Variants in ABAT observed in about 807,000 individuals in gnomAD.
ABAT encodes 4-aminobutyrate aminotransferase.
Under a neutral mutation model 64.6 loss-of-function variants are expected in ABAT, and 45 were observed. The ratio of observed to expected loss-of-function variants is 0.70; its 90% CI spans 0.55 to 0.89. The LOEUF (loss-of-function observed/expected upper bound fraction) is 0.89, where lower values mean the gene tolerates loss of function less well. ABAT is among the 40% of genes least tolerant of loss of function. ABAT has a pLI of 0.00. For synonymous variants in ABAT, 297 were observed against 250.5 expected (o/e 1.19, Z -1.75); for missense variants, 633 against 658.4 (o/e 0.96, Z 0.42).
At chr16:8,752,038 C>T (rs1169012531) in intron 5 of ABAT, among the ~76,000 whole-genome samples, 2 of 151,876 alleles carry the variant, frequency 1.3e-5, no homozygotes, top group East Asian at 1.9e-4. Context: ...GAGCCCGGGG[C>T]ATCCTCCGCT....
At chr16:8,682,896 C>A (rs1730944) in intron 1 of ABAT, among the ~76,000 whole-genome samples, 17 of 152,204 alleles carry the variant, frequency 1.1e-4, no homozygotes, top group African/African-American at 4.1e-4. Flanking sequence ...TTAACAATAT[C>A]CCCTGGGGTG....
intron 1 of ABAT, among the ~76,000 whole-genome samples, chr16:8,696,094 T>C (rs1006662791): frequency 1.1e-4 from 16 of 152,202 alleles, no homozygotes; most frequent in Non-Finnish European, 2.1e-4. Context: ...TTATTGAAGA[T>C]TGCAGCCATA....
intron 3 of ABAT, among the ~76,000 whole-genome samples, chr16:8,747,882 C>G (rs1473679805): frequency 6.6e-6 from 1 of 151,832 alleles, no homozygotes; most frequent in African/African-American, 2.4e-5. Context: ...TTTCAGGTGG[C>G]TGAATTTCCA....
chr16:8,733,349 T>C (rs1203112283), intron 1 of ABAT, among the ~76,000 whole-genome samples: 1 of 145,522 alleles, frequency 6.9e-6, no homozygotes. Flanking sequence ...CTTTCCAGAC[T>C]GGGCAGCCAG....
chr16:8,781,298 G>A lies in ABAT; in HGVS notation c.1382-11G>A. On this transcript the variant is annotated splice_polypyrimidine_tract_variant and intron_variant, in intron 15 of 15. Coordinates refer to ENST00000268251, the MANE Select transcript of ABAT (RefSeq NM_020686.6). This position sits in a 1 kb window ranked among gnomAD's most constrained non-coding sequence, Gnocchi z 4.5. ...AAACCACGCTCCTCACCTACCTCCT[G>A]CCTCTTTCAGGTGTGGTGTTGGGTG... The A allele has an allele frequency of 1.2e-6, 2 of 1,614,000 alleles. No individual in the cohort carries two copies. The highest frequency in any genetic ancestry group is 1.7e-6 in the Non-Finnish European group (2 of 1,179,954).
chr16:8,774,836 A>T, intron 12 of ABAT, 54 bp from the exon 13 acceptor site: 8 of 1,609,510 alleles, frequency 5.0e-6, no homozygotes, highest in Non-Finnish European at 6.8e-6. Context: ...GAGGGCATGA[A>T]TTTCTGGCCT....
At chr16:8,694,602 TC>T (rs1208804064) in intron 1 of ABAT, among the ~76,000 whole-genome samples, 1 of 151,118 alleles carries the variant, frequency 6.6e-6, no homozygotes, top group Non-Finnish European at 1.5e-5. Context: ...GGTCTGGAAC[TC>T]CTGGGCTCAA....
intron 5 of ABAT, among the ~76,000 whole-genome samples, chr16:8,755,981 G>A (rs374537909): frequency 3.4e-4 from 52 of 152,062 alleles, no homozygotes; most frequent in Non-Finnish European, 5.9e-4. Context: ...CCCAGGAGGC[G>A]GAGCTTGCAG....
intron 6 of ABAT, 35 bp downstream of exon 6, chr16:8,757,841 TA>T: frequency 6.2e-7 from 1 of 1,602,352 alleles, no homozygotes; most frequent in Non-Finnish European, 8.6e-7. Flanking sequence ...AAAGACAAAA[TA>T]TGTTCATGGC....
At chr16:8,756,035 C>A (rs947680422) in intron 5 of ABAT, among the ~76,000 whole-genome samples, 1 of 149,870 alleles carries the variant, frequency 6.7e-6, no homozygotes, top group Non-Finnish European at 1.5e-5. Flanking sequence ...GGCAACAGAG[C>A]GAGACTCTCT....
At chr16:8,718,977 T>C (rs890693547) in intron 1 of ABAT, among the ~76,000 whole-genome samples, 10 of 152,252 alleles carry the variant, frequency 6.6e-5, no homozygotes, top group Non-Finnish European at 1.3e-4. Flanking sequence ...TTTCACTTGT[T>C]ATACGCTGTG....
chr16:8,692,320 G>T (rs1003781466), intron 1 of ABAT, among the ~76,000 whole-genome samples: 2 of 152,112 alleles, frequency 1.3e-5, no homozygotes, highest in African/African-American at 4.8e-5. Context: ...AGGCTGCAGT[G>T]AGCTGTGATC....
chr16:8,763,491 G>C (rs564020482), intron 6 of ABAT, among the ~76,000 whole-genome samples: 1 of 152,352 alleles, frequency 6.6e-6, no homozygotes, highest in East Asian at 1.9e-4. Context: ...GTCCTATACA[G>C]TGATGCTGGT....
chr16:8,773,367 G>T (rs541475016), intron 12 of ABAT, among the ~76,000 whole-genome samples: 1 of 152,184 alleles, frequency 6.6e-6, no homozygotes, highest in East Asian at 1.9e-4. Flanking sequence ...GGCCAGGCTG[G>T]TCTTGAACTC....
intron 1 of ABAT, among the ~76,000 whole-genome samples, chr16:8,696,606 C>T (rs536473672): frequency 6.6e-6 from 1 of 152,028 alleles, no homozygotes; most frequent in Non-Finnish European, 1.5e-5. Context: ...GGTGACACAG[C>T]GAGACTCTGT....
chr16:8,699,809 C>T (rs1322027027), intron 1 of ABAT, among the ~76,000 whole-genome samples: 1 of 150,918 alleles, frequency 6.6e-6, no homozygotes, highest in African/African-American at 2.4e-5. Flanking sequence ...CTTCTCTTCT[C>T]TTCTCTCTCT....
chr16:8,715,192 G>A (rs1384572241), intron 1 of ABAT: 1 of 152,138 alleles, frequency 6.6e-6, no homozygotes, highest in Non-Finnish European at 1.5e-5. Context: ...TGACTGGCTG[G>A]GATTCCTAAA....
intron 5 of ABAT, among the ~76,000 whole-genome samples, chr16:8,756,987 C>T (rs564551614): frequency 6.6e-6 from 1 of 152,182 alleles, no homozygotes; most frequent in East Asian, 1.9e-4. Context: ...GCATGCGGGT[C>T]ACAGATTGCA....
chr16:8,724,746 CAAAAAAAAAAA>C (rs869130725), intron 1 of ABAT, among the ~76,000 whole-genome samples: 3 of 6,568 alleles, frequency 4.6e-4, no homozygotes, highest in Non-Finnish European at 1.1e-3. Context: ...AAAAAAAAAA[CAAAAAAAAAAA>C]AAAAAAAAAA....
Sources: allele counts gnomAD v4.1 joint callset (sites outside exome capture counted in the v4.1 genomes callset), GRCh38; gene constraint gnomAD v4.1.1; non-coding constraint Gnocchi (gnomAD v3.1); transcripts MANE v1.5; gene names NCBI Gene and HGNC (gene_info 2026-07-23, HGNC 2026-07-21).